Variants in CXCR6 observed in about 807,000 individuals in gnomAD.
The protein encoded by CXCR6 is C-X-C chemokine receptor type 6.
A neutral mutation model predicts 1.6 loss-of-function variants in CXCR6; 3 were observed. That is an observed-to-expected ratio of 1.83 (90% CI 0.83 to 4.72). CXCR6 has a LOEUF of 4.72. CXCR6 is among the 30% of genes most tolerant of loss of function. The probability of loss-of-function intolerance (pLI) is 0.02; values close to 1 mark genes in which losing one functional copy is unlikely to be tolerated. For synonymous variants in CXCR6, 171 were observed against 159.2 expected (o/e 1.07, Z -0.56); for missense variants, 326 against 414.8 (o/e 0.79, Z 1.86).
chr3:45,943,130 C>A (rs770036958), upstream of CXCR6, among the ~76,000 whole-genome samples: 1 of 152,152 alleles, frequency 6.6e-6, no homozygotes, highest in Non-Finnish European at 1.5e-5. Flanking sequence ...CAGCATTGGC[C>A]CAGACCCTAA....
chr3:45,944,169 G>A (rs923960898), intron 1 of CXCR6, among the ~76,000 whole-genome samples: 1 of 150,634 alleles, frequency 6.6e-6, no homozygotes, highest in Admixed American at 6.6e-5. Context: ...CAGAATTGTA[G>A]GGGTGTTTGT....
At chr3:45,942,022 T>G (rs529378103), upstream of CXCR6, among the ~76,000 whole-genome samples, 3 of 152,374 alleles carry the variant, frequency 2.0e-5, no homozygotes, top group Non-Finnish European at 2.9e-5. Flanking sequence ...TCCATCGGTA[T>G]GTAGTCTATG....
chr3:45,944,292 AG>A lies in CXCR6; in HGVS notation c.-22+754del, dbSNP rs55994531. 1.9e-3 allele frequency among the ~76,000 whole-genome samples: 291 copies of A among 152,278 alleles called. 2 individuals carry two copies. The highest frequency in any genetic ancestry group is 0.017 in the Middle Eastern group (5 of 294). On this transcript the variant is annotated intron_variant, in intron 1 of 1. Coordinates refer to ENST00000304552, the MANE Select transcript of CXCR6 (RefSeq NM_006564.2). ...TCTCAAAGGAGTTTATGGTCAAAAAAGGTTAAGAATCACAATTTTATATCCT... is the reference window on the plus strand; with the variant it reads ...TCTCAAAGGAGTTTATGGTCAAAAAAGTTAAGAATCACAATTTTATATCCT...
chr3:45,946,665 T>C lies in CXCR6; in HGVS notation c.184T>C (p.Leu62=). 1 of 1,614,214 alleles carries C rather than the reference T, an allele frequency of 6.2e-7. No homozygotes were observed. Among genetic ancestry groups the C allele is most frequent in the Non-Finnish European group, 8.5e-7 (1 of 1,180,030 alleles). ...VLVISIFYHK[L]QSLTDVFLVN... is the part of the protein sequence containing the mutation. ...GGTCATATCCATCTTCTACCATAAG[T>C]TGCAGAGCCTGACGGATGTGTTCCT... is the stretch of plus-strand genomic sequence containing the variant. The change falls in exon 2 of 2, where the codon TTG becomes CTG. Residue 62 remains leucine, a synonymous_variant. Coordinates refer to ENST00000304552, the MANE Select transcript of CXCR6 (RefSeq NM_006564.2).
chr3:45,942,024 T>C (rs1484221599), upstream of CXCR6, among the ~76,000 whole-genome samples: 1 of 152,368 alleles, frequency 6.6e-6, no homozygotes, highest in East Asian at 1.9e-4. Context: ...CATCGGTATG[T>C]AGTCTATGCG....
upstream of CXCR6, among the ~76,000 whole-genome samples, chr3:45,942,811 A>G (rs1376690948): frequency 6.6e-6 from 1 of 152,236 alleles, no homozygotes; most frequent in Non-Finnish European, 1.5e-5. Flanking sequence ...CAGCCTACGC[A>G]GGGTGGGTGG....
rs1413940640 is a variant in CXCR6 at position 45,946,493 on chromosome 3, T to C, written c.12T>C (p.His4=). 1.9e-6 allele frequency: 3 copies of C among 1,612,946 alleles called. No homozygotes were observed. Among genetic ancestry groups the C allele is most frequent in the South Asian group, 1.1e-5 (1 of 90,994 alleles). The change falls in exon 2 of 2, where the codon CAT becomes CAC. Residue 4 remains histidine (H), a synonymous_variant. Transcript: ENST00000304552. MAE[H]DYHEDYGFSS... ...TCAGAACAGACACCATGGCAGAGCA[T>C]GATTACCATGAAGACTATGGGTTCA...
Position 45,946,763 on chromosome 3 carries a change from A to T in CXCR6, c.282A>T (p.Glu94Asp), listed in dbSNP as rs1704637158. ...TCTGGGCCTATGCAGGCATCCATGA[A>T]TGGGTGTTTGGCCAGGTCATGTGCA... is the stretch of plus-strand genomic sequence containing the variant. ...LPFWAYAGIH[E>D]WVFGQVMCKS... Residue 94 changes from glutamate to aspartate, a missense_variant, in exon 2 of 2, where the codon GAA becomes GAT. Physicochemically the swap from Glu to Asp is conservative, Grantham distance 45. Coordinates refer to ENST00000304552, the MANE Select transcript of CXCR6 (RefSeq NM_006564.2). 6.2e-7 allele frequency: 1 copy of T among 1,614,170 alleles called. No homozygotes were observed.
chr3:45,947,281 A>T lies in CXCR6; in HGVS notation c.800A>T (p.His267Leu), dbSNP rs1479872638. ...HWEYYAMTSFHYTIMVTEAIA... is the reference protein window; with the variant it reads ...HWEYYAMTSFLYTIMVTEAIA... ...GAATACTATGCCATGACCAGCTTTC[A>T]CTACACCATCATGGTGACAGAGGCC... The change falls in exon 2 of 2, where the codon CAC (histidine) becomes CTC (leucine). Residue 267 changes from histidine to leucine, a missense_variant. His to Leu is a moderately conservative substitution (Grantham distance 99, BLOSUM62 -3). Transcript: ENST00000304552. The T allele has an allele frequency of 1.2e-6, 2 of 1,613,864 alleles. No homozygotes were observed. Among genetic ancestry groups the T allele is most frequent in the African/African-American group, 2.7e-5 (2 of 74,862 alleles).
rs1441755525 is a variant in CXCR6 at position 45,947,421 on chromosome 3, G to C, written c.940G>C (p.Val314Leu). The C allele has an allele frequency of 6.2e-7, 1 of 1,614,212 alleles. No homozygotes were observed. The change falls in exon 2 of 2, where the codon GTC (valine) becomes CTC (leucine). Residue 314 changes from valine to leucine, a missense_variant. Coordinates refer to ENST00000304552, the MANE Select transcript of CXCR6 (RefSeq NM_006564.2). Reference sequence around the variant, plus strand: ...CATTGGTTGCCTCCCTTACCTTGGGGTCTCACATCAATGGAAATCTTCTGA... The same window carrying C: ...CATTGGTTGCCTCCCTTACCTTGGGCTCTCACATCAATGGAAATCTTCTGA... ...KDIGCLPYLG[V>L]SHQWKSSEDN...
At position 45,947,430 on chromosome 3, in the gene CXCR6, C is replaced by A; in HGVS notation, c.949C>A (p.Gln317Lys). ...CCTCCCTTACCTTGGGGTCTCACATCAATGGAAATCTTCTGAGGACAATTC... is the reference window on the plus strand; with the variant it reads ...CCTCCCTTACCTTGGGGTCTCACATAAATGGAAATCTTCTGAGGACAATTC... ...GCLPYLGVSH[Q>K]WKSSEDNSKT... is the part of the protein sequence containing the mutation. Residue 317 changes from glutamine to lysine, a missense_variant, in exon 2 of 2, where the codon CAA (glutamine) becomes AAA (lysine). Physicochemically the swap from Gln to Lys is moderately conservative, Grantham distance 53. Transcript: ENST00000304552. The A allele has an allele frequency of 1.2e-6, 2 of 1,614,170 alleles. No homozygotes were observed. The highest frequency in any genetic ancestry group is 4.5e-5 in the East Asian group (2 of 44,880).
At chr3:45,941,955 A>G (rs1363439222), upstream of CXCR6, among the ~76,000 whole-genome samples, 2 of 152,246 alleles carry the variant, frequency 1.3e-5, no homozygotes, top group East Asian at 1.9e-4. Flanking sequence ...AGACAGGTGC[A>G]TATTTGGCTC....
chr3:45,941,042 C>T (rs1704197617), upstream of CXCR6: 1 of 152,232 alleles, frequency 6.6e-6, no homozygotes, highest in Admixed American at 6.5e-5. Context: ...CAGATGATCT[C>T]TCAGCTCATC....
intron 1 of CXCR6, chr3:45,946,113 T>C (rs1158706004): frequency 9.4e-6 from 2 of 212,730 alleles, no homozygotes; most frequent in Non-Finnish European, 1.9e-5. Flanking sequence ...ATCATCAGTG[T>C]TGCTCTTCCA....
chr3:45,942,720 C>T (rs1033929078), upstream of CXCR6, among the ~76,000 whole-genome samples: 2 of 152,178 alleles, frequency 1.3e-5, no homozygotes, highest in Non-Finnish European at 2.9e-5. Context: ...ACAACTAGAA[C>T]TGTACTGAGA....
upstream of CXCR6, among the ~76,000 whole-genome samples, chr3:45,942,505 G>C (rs570695048): frequency 6.6e-6 from 1 of 152,158 alleles, no homozygotes; most frequent in Non-Finnish European, 1.5e-5. Flanking sequence ...AGCCTGAATG[G>C]GAGTGCAGAG....
At chr3:45,942,035 G>C (rs888977530), upstream of CXCR6, among the ~76,000 whole-genome samples, 2 of 152,222 alleles carry the variant, frequency 1.3e-5, no homozygotes, top group Non-Finnish European at 2.9e-5. Flanking sequence ...AGTCTATGCG[G>C]CCTCATGGTT....
Position 45,946,673 on chromosome 3 carries a change from C to T in CXCR6, c.192C>T (p.Ser64=), listed in dbSNP as rs1704631501. Residue 64 remains serine, a synonymous_variant, in exon 2 of 2, where the codon AGC becomes AGT. Coordinates refer to ENST00000304552, the MANE Select transcript of CXCR6 (RefSeq NM_006564.2). Reference sequence around the variant, plus strand: ...CCATCTTCTACCATAAGTTGCAGAGCCTGACGGATGTGTTCCTGGTGAACC... The same window carrying T: ...CCATCTTCTACCATAAGTTGCAGAGTCTGACGGATGTGTTCCTGGTGAACC... ...VISIFYHKLQ[S]LTDVFLVNLP... 1.9e-6 allele frequency: 3 copies of T among 1,614,096 alleles called. No individual in the cohort carries two copies. The highest frequency in any genetic ancestry group is 1.7e-5 in the Admixed American group (1 of 60,002).
upstream of CXCR6, among the ~76,000 whole-genome samples, chr3:45,941,796 G>A (rs1321228373): frequency 2.0e-5 from 3 of 152,230 alleles, no homozygotes; most frequent in Non-Finnish European, 4.4e-5. Context: ...ACAAGGCTCA[G>A]GCCATTCTAA....
Sources: gnomAD v4.1 joint callset for allele counts (sites outside exome capture counted in the v4.1 genomes callset) on GRCh38, gnomAD v4.1.1 for gene constraint, MANE v1.5 for transcripts, NCBI Gene and HGNC (gene_info 2026-07-23, HGNC 2026-07-21) for gene names.